Variants in GUCY2D observed in about 807,000 individuals in gnomAD.
The protein encoded by GUCY2D is guanylate cyclase 2D, retinal, also known as retinal guanylyl cyclase 1.
In GUCY2D, 70 loss-of-function variants were observed where a neutral mutation model predicts 101.3. That is an observed-to-expected ratio of 0.69 (90% CI 0.57 to 0.84). The LOEUF (loss-of-function observed/expected upper bound fraction) is 0.84, where lower values mean the gene tolerates loss of function less well. Among genes scored for constraint, GUCY2D ranks in the 40% least tolerant of loss-of-function variants. The probability of loss-of-function intolerance (pLI) is 0.00; values close to 1 mark genes in which losing one functional copy is unlikely to be tolerated. For missense variants in GUCY2D, 1,460 were observed against 1,542.5 expected (o/e 0.95, Z 0.90); for synonymous variants, 688 against 670.7 (o/e 1.03, Z -0.40).
intron 19 of GUCY2D, among the ~76,000 whole-genome samples, chr17:8,018,645 T>G (rs1430910799): frequency 6.6e-6 from 1 of 152,142 alleles, no homozygotes; most frequent in Admixed American, 6.5e-5. Context: ...GTGTCACCAC[T>G]TAACCACATT....
chr17:8,008,107 T>C, intron 7 of GUCY2D, 75 bp downstream of exon 7: 1 of 874,908 alleles, frequency 1.1e-6, no homozygotes, highest in Non-Finnish European at 1.9e-6. Context: ...GGAGGCGCAC[T>C]CTCAGGAGGA....
At chr17:8,005,133 C>T (rs1014706366) in intron 3 of GUCY2D, among the ~76,000 whole-genome samples, 4 of 152,258 alleles carry the variant, frequency 2.6e-5, no homozygotes, top group Middle Eastern at 3.4e-3. Context: ...TTGAATTCTT[C>T]GCCCCCACTT....
chr17:8,004,672 A>G (rs1032782889), intron 3 of GUCY2D, among the ~76,000 whole-genome samples: 2 of 151,106 alleles, frequency 1.3e-5, no homozygotes, highest in Non-Finnish European at 2.9e-5. Context: ...TCCAACATCC[A>G]GCTAATACCT....
At chr17:8,007,024 C>T (rs371908939) in intron 4 of GUCY2D, 36 bp from the exon 5 acceptor site, 15 of 1,543,670 alleles carry the variant, frequency 9.7e-6, no homozygotes, top group Admixed American at 5.0e-5. Flanking sequence ...CCCCTGGCAT[C>T]GCTCCTCAGT....
At position 8,002,884 on chromosome 17, in the gene GUCY2D, C is replaced by A; in HGVS notation, c.-10+150C>A. 1 of 594,638 alleles carries A rather than the reference C, an allele frequency of 1.7e-6. No homozygotes were observed. Among genetic ancestry groups the A allele is most frequent in the Non-Finnish European group, 2.8e-6 (1 of 354,386 alleles). 36.8% of individuals were successfully genotyped at this position (594,638 alleles called of 1,614,324 possible). ...CAGAAGGGGGCTTCGGGGCGGTGTC[C>A]TTGGCCCCAGTTAGTCTTCCCAGCC... is the stretch of plus-strand genomic sequence containing the variant. On this transcript the variant is annotated intron_variant, in intron 1 of 19. Coordinates refer to ENST00000254854, the MANE Select transcript of GUCY2D (RefSeq NM_000180.4). The surrounding 1 kb of genome is among the most constrained non-coding windows in gnomAD (Gnocchi z 4.9).
chr17:8,004,845 C>A (rs1975709305), intron 3 of GUCY2D, among the ~76,000 whole-genome samples: 1 of 152,066 alleles, frequency 6.6e-6, no homozygotes, highest in African/African-American at 2.4e-5. Flanking sequence ...AGAGAAGGGT[C>A]GTAGGGGTTG....
In GUCY2D at chr17:8,012,177, T is replaced by C; in HGVS notation, c.1783T>C (p.Tyr595His). ...QELRHENVAL[Y>H]LGLFLARGAE... is the part of the protein sequence containing the mutation. Reference sequence around the variant, plus strand: ...GCTCCGGCATGAGAACGTGGCCCTCTACCTGGGGCTTTTCCTGGCTCGGGG... The same window carrying C: ...GCTCCGGCATGAGAACGTGGCCCTCCACCTGGGGCTTTTCCTGGCTCGGGG... Residue 595 changes from tyrosine to histidine, a missense_variant, in exon 9 of 20, where the codon TAC becomes CAC. This residue lies in a region of GUCY2D where 1,196 missense variants were observed against 1,229.6 expected (regional missense o/e 0.97). Coordinates refer to ENST00000254854, the MANE Select transcript of GUCY2D (RefSeq NM_000180.4). The C allele has an allele frequency of 1.2e-6, 2 of 1,614,010 alleles. No homozygotes were observed. Among genetic ancestry groups the C allele is most frequent in the African/African-American group, 1.3e-5 (1 of 75,056 alleles).
chr17:8,003,182 G>C lies in GUCY2D; in HGVS notation c.135G>C (p.Leu45=). The C allele has an allele frequency of 6.6e-7, 1 of 1,513,718 alleles. No homozygotes were observed. Among genetic ancestry groups the C allele is most frequent in the Non-Finnish European group, 8.8e-7 (1 of 1,136,982 alleles). 93.8% of individuals were successfully genotyped at this position (1,513,718 alleles called of 1,614,324 possible). A position where few individuals can be genotyped will look rare whatever the true frequency, so the allele number is the denominator to read the frequency against. The change falls in exon 2 of 20, where the codon CTG becomes CTC. Residue 45 remains leucine (L), a synonymous_variant. Transcript: ENST00000254854. ...RLPLLLLLLL[L]QPPALSAVFT... Reference sequence around the variant, plus strand: ...CGCTCCTGCTGCTCCTGCTTCTGCTGCAGCCCCCCGCCCTCTCCGCCGTGT... The same window carrying C: ...CGCTCCTGCTGCTCCTGCTTCTGCTCCAGCCCCCCGCCCTCTCCGCCGTGT...
chr17:8,015,339 A>AGG lies in GUCY2D; in HGVS notation c.2784_2785dup (p.Asp929GlyfsTer50). On this transcript the variant is annotated frameshift_variant, in exon 15 of 20. Coordinates refer to ENST00000254854, the MANE Select transcript of GUCY2D (RefSeq NM_000180.4). LOFTEE classifies it high-confidence loss of function. ...CCTTCTTCCCCCAGGTGGAGACAAT[A>AGG]GGGGACGCCTATATGGTGGCCTCGG... The AGG allele has an allele frequency of 6.2e-7, 1 of 1,607,104 alleles. No homozygotes were observed. Among genetic ancestry groups the AGG allele is most frequent in the Non-Finnish European group, 8.5e-7 (1 of 1,179,716 alleles).
rs1330413861 is a variant in GUCY2D at position 8,018,724 on chromosome 17, C to G, written c.*25-1404C>G. On this transcript the variant is annotated intron_variant, in intron 19 of 19. Transcript: ENST00000254854. ...CCACTCCCCACAGACTCCGAGACAC[C>G]AAGATTTTTTGAACATTCCTTTATA... Among the ~76,000 whole-genome samples, 8 of 152,062 alleles carry G rather than the reference C, an allele frequency of 5.3e-5. No individual in the cohort carries two copies. The South Asian group carries it at 1.7e-3, about 32-fold the overall frequency.
Position 8,007,461 on chromosome 17 carries a change from C to T in GUCY2D, c.1499C>T (p.Pro500Leu), listed in dbSNP as rs200211315. 1.9e-4 allele frequency: 299 copies of T among 1,613,662 alleles called. No individual in the cohort carries two copies. The highest frequency in any genetic ancestry group is 1.6e-4 in the Non-Finnish European group (190 of 1,179,684). Reference sequence around the variant, plus strand: ...CTTCACATGCAAATGGTCTCCGGCCCCAACAAGATCATCCTGACCGTGGAC... The same window carrying T: ...CTTCACATGCAAATGGTCTCCGGCCTCAACAAGATCATCCTGACCGTGGAC... ...RLLHMQMVSG[P>L]NKIILTVDDI... The change falls in exon 6 of 20, where the codon CCC becomes CTC. Residue 500 changes from proline (P) to leucine (L), a missense_variant. Physicochemically the swap from Pro to Leu is moderately conservative, Grantham distance 98. This residue lies in a region of GUCY2D where 1,196 missense variants were observed against 1,229.6 expected (regional missense o/e 0.97). Coordinates refer to ENST00000254854, the MANE Select transcript of GUCY2D (RefSeq NM_000180.4).
chr17:8,015,195 C>G (rs1025155160), intron 14 of GUCY2D, 133 bp from the exon 15 acceptor site: 1 of 1,077,254 alleles, frequency 9.3e-7, no homozygotes, highest in Non-Finnish European at 1.4e-6. Context: ...TTCCTCCAGT[C>G]CCCAGCTCAG....
intron 3 of GUCY2D, among the ~76,000 whole-genome samples, chr17:8,004,671 C>T (rs566891487): frequency 6.6e-6 from 1 of 151,154 alleles, no homozygotes; most frequent in African/African-American, 2.5e-5. Flanking sequence ...TTCCAACATC[C>T]AGCTAATACC....
In GUCY2D at chr17:8,003,748, G is replaced by C. The variant is rs776773228; in HGVS notation, c.701G>C (p.Arg234Pro). 6.3e-7 allele frequency: 1 copy of C among 1,598,958 alleles called. No individual in the cohort carries two copies. Among genetic ancestry groups the C allele is most frequent in the South Asian group, 1.1e-5 (1 of 91,040 alleles). ...SGAREALRKV[R>P]DGPRVTAVIM... ...GCCCGGGAGGCCCTGAGGAAGGTTCGGGACGGGCCCAGGGTCACAGGTAGG... is the reference window on the plus strand; with the variant it reads ...GCCCGGGAGGCCCTGAGGAAGGTTCCGGACGGGCCCAGGGTCACAGGTAGG... Residue 234 changes from arginine (R) to proline (P), a missense_variant, in exon 2 of 20, where the codon CGG becomes CCG. Around this residue, in one of 3 missense-constraint regions of GUCY2D, gnomAD observed 1,196 missense variants for 1,229.6 expected, o/e 0.97. Transcript: ENST00000254854.
intron 19 of GUCY2D, 121 bp from the exon 20 acceptor site, chr17:8,020,007 G>A (rs1464409906): frequency 6.6e-6 from 1 of 152,078 alleles, no homozygotes; most frequent in African/African-American, 2.4e-5. Context: ...GAGCAGTGAT[G>A]GCCAAAGCAG....
chr17:8,015,139 A>G, intron 14 of GUCY2D, 88 bp downstream of exon 14: 1 of 1,208,382 alleles, frequency 8.3e-7, no homozygotes. Context: ...CCCCTAGCCT[A>G]CCTGCCCAAT....
chr17:8,014,174 G>A lies in GUCY2D; in HGVS notation c.2412+146G>A. 1.3e-6 allele frequency: 1 copy of A among 760,118 alleles called. No individual in the cohort carries two copies. The highest frequency in any genetic ancestry group is 1.4e-5 in the South Asian group (1 of 69,502). The allele number at this position is 760,118 out of a possible 1,614,324, so 47.1% of individuals were successfully genotyped here. ...CTAAGGAGTAGCCTGAAGACTCGGA[G>A]TTTGGGGGCAGAATTGGAATGGGGG... On this transcript the variant is annotated intron_variant, in intron 12 of 19. Coordinates refer to ENST00000254854, the MANE Select transcript of GUCY2D (RefSeq NM_000180.4). The surrounding 1 kb of genome is among the most constrained non-coding windows in gnomAD (Gnocchi z 4.0).
At chr17:8,008,642 T>C (rs1975791881) in intron 7 of GUCY2D, among the ~76,000 whole-genome samples, 1 of 152,156 alleles carries the variant, frequency 6.6e-6, no homozygotes. Context: ...GCTCCTATCA[T>C]GTCACCTAGA....
At chr17:8,016,379 GACGTGGGCCCTGCC>G in intron 18 of GUCY2D, 50 bp from the exon 19 acceptor site, 1 of 1,440,542 alleles carries the variant, frequency 6.9e-7, no homozygotes, top group Non-Finnish European at 9.5e-7. Context: ...AGGCAGCGAT[GACGTGGGCCCTGCC>G]CTCCCACGCC....
Sources: gnomAD v4.1 joint callset for allele counts (sites outside exome capture counted in the v4.1 genomes callset) on GRCh38, gnomAD v4.1.1 for gene constraint, gnomAD v4.1.1 regional missense constraint, Gnocchi (gnomAD v3.1) non-coding constraint, MANE v1.5 for transcripts, NCBI Gene and HGNC (gene_info 2026-07-23, HGNC 2026-07-21) for gene names.